Variants in DCAF8L2 observed in about 807,000 individuals in gnomAD.
DCAF8L2 encodes DDB1- and CUL4-associated factor 8-like protein 2.
For synonymous variants in DCAF8L2, 200 were observed against 190.9 expected (o/e 1.05, Z -0.39); for missense variants, 430 against 490.7 (o/e 0.88, Z 1.17).
chrX:27,721,146 TTCAA>T (rs1205461283), intron 4 of DCAF8L2, among the ~76,000 whole-genome samples: 1 of 111,753 alleles, frequency 8.9e-6, no homozygotes, highest in African/African-American at 3.2e-5. Flanking sequence ...TTTTTTATTT[TTCAA>T]TCAAATTGTA....
At chrX:27,543,650 C>A in the DCAF8L2 span, among the ~76,000 whole-genome samples, 1 of 110,910 alleles carries the variant, frequency 9.0e-6, no homozygotes, top group Non-Finnish European at 1.9e-5. Flanking sequence ...TCTTTATGGC[C>A]AGGTTCAGCA....
chrX:27,746,753 T>C, intron 4 of DCAF8L2, 85 bp from the exon 5 acceptor site: 1 of 526,423 alleles, frequency 1.9e-6, no homozygotes, highest in Non-Finnish European at 3.1e-6. Flanking sequence ...TAGTCTCCTT[T>C]AGCCAATCAG....
At chrX:27,540,924 G>A in the DCAF8L2 span, among the ~76,000 whole-genome samples, 1 of 111,893 alleles carries the variant, frequency 8.9e-6, no homozygotes, top group African/African-American at 3.3e-5. Context: ...CAGATTGAAT[G>A]TAAGACAATA....
At chrX:27,560,843 G>A in the DCAF8L2 span, among the ~76,000 whole-genome samples, 1 of 111,498 alleles carries the variant, frequency 9.0e-6, no homozygotes, top group African/African-American at 3.3e-5. Context: ...ATTCTACTAG[G>A]GCTTGCCACA....
At chrX:27,531,735 A>G in the DCAF8L2 span, among the ~76,000 whole-genome samples, 1 of 111,484 alleles carries the variant, frequency 9.0e-6, no homozygotes, top group Non-Finnish European at 1.9e-5. Flanking sequence ...TCTGTTTTCC[A>G]TCTATGTGTT....
At chrX:27,687,273 A>T (rs1190863549) in intron 3 of DCAF8L2, among the ~76,000 whole-genome samples, 5 of 112,443 alleles carry the variant, frequency 4.4e-5, no homozygotes, top group African/African-American at 1.6e-4. Context: ...AAATATATTT[A>T]TCAAAGTTCT....
At chrX:27,518,128 T>C in the DCAF8L2 span, 1 of 917,143 alleles carries the variant, frequency 1.1e-6, no homozygotes, top group Non-Finnish European at 1.6e-6. Flanking sequence ...GAGACTCTTC[T>C]TGCAAGTTTA....
chrX:27,620,208 C>T (rs1927689816), intron 1 of DCAF8L2, among the ~76,000 whole-genome samples: 1 of 111,456 alleles, frequency 9.0e-6, no homozygotes, highest in African/African-American at 3.3e-5. Context: ...GCTAATGGGA[C>T]TACAGAATAG....
intron 1 of DCAF8L2, among the ~76,000 whole-genome samples, chrX:27,627,746 T>C (rs1469934553): frequency 9.3e-6 from 1 of 107,050 alleles, no homozygotes; most frequent in African/African-American, 3.4e-5. Context: ...ATACAAAAAT[T>C]AGCTGGGCGT....
chrX:27,493,471 G>A, the DCAF8L2 span, among the ~76,000 whole-genome samples: 1 of 110,367 alleles, frequency 9.1e-6, no homozygotes, highest in Non-Finnish European at 1.9e-5. Context: ...AGCACTTTGG[G>A]AGGCCGATAC....
the DCAF8L2 span, among the ~76,000 whole-genome samples, chrX:27,514,689 AAAAAAACAAAAAAAAAAAAC>A: frequency 6.4e-5 from 5 of 77,880 alleles, no homozygotes; most frequent in African/African-American, 3.2e-4. Context: ...AAAAAAAAAA[AAAAAAACAAAAAAAAAAAAC>A]AGAGTGAAAT....
the DCAF8L2 span, among the ~76,000 whole-genome samples, chrX:27,509,093 GT>G: frequency 9.0e-6 from 1 of 111,594 alleles, no homozygotes; most frequent in East Asian, 2.8e-4. Flanking sequence ...AGTTCAAGTG[GT>G]TTTTTTCTAT....
At chrX:27,478,996 A>C in the DCAF8L2 span, among the ~76,000 whole-genome samples, 1 of 111,634 alleles carries the variant, frequency 9.0e-6, no homozygotes, top group Non-Finnish European at 1.9e-5. Flanking sequence ...AAAGAATAGA[A>C]TATGACAAAA....
At chrX:27,502,334 AAATATATATATATATATAT>A in the DCAF8L2 span, among the ~76,000 whole-genome samples, 4 of 24,970 alleles carry the variant, frequency 1.6e-4, no homozygotes, top group African/African-American at 5.3e-4. Flanking sequence ...AAAAAAAAAA[AAATATATATATATATATAT>A]ATATATATAT....
At chrX:27,652,163 T>C (rs778566835) in intron 2 of DCAF8L2, among the ~76,000 whole-genome samples, 5 of 109,605 alleles carry the variant, frequency 4.6e-5, no homozygotes, top group Admixed American at 3.9e-4. Context: ...AGTAGCCAAC[T>C]GAATCTTCTA....
chrX:27,743,186 A>T (rs1018507195), intron 4 of DCAF8L2, among the ~76,000 whole-genome samples: 2 of 108,565 alleles, frequency 1.8e-5, no homozygotes, highest in African/African-American at 6.9e-5. Context: ...GGCCCAAGGG[A>T]TGGGATTCGC....
chrX:27,715,079 G>A (rs542844468), intron 3 of DCAF8L2, among the ~76,000 whole-genome samples: 2 of 110,707 alleles, frequency 1.8e-5, no homozygotes, highest in African/African-American at 6.6e-5. Context: ...TAATATTTGA[G>A]TGGAAATGGG....
chrX:27,497,541 C>T, the DCAF8L2 span, among the ~76,000 whole-genome samples: 10 of 78,662 alleles, frequency 1.3e-4, no homozygotes, highest in African/African-American at 6.0e-4. Context: ...TCCTTCCTTC[C>T]TTCCTTCCTT....
At chrX:27,609,017 T>C (rs974917645) in intron 1 of DCAF8L2, among the ~76,000 whole-genome samples, 1 of 111,399 alleles carries the variant, frequency 9.0e-6, no homozygotes, top group Non-Finnish European at 1.9e-5. Flanking sequence ...GTTATAATTA[T>C]GCCTCTATTT....
Sources: gnomAD v4.1 joint callset for allele counts (sites outside exome capture counted in the v4.1 genomes callset) on GRCh38, gnomAD v4.1.1 for gene constraint, MANE v1.5 for transcripts, NCBI Gene and HGNC (gene_info 2026-07-23, HGNC 2026-07-21) for gene names.